Variants in GXYLT1 observed in about 807,000 individuals in gnomAD.
GXYLT1 encodes the protein glucoside xylosyltransferase 1, also known as glycosyltransferase 8 domain containing 3.
Under a neutral mutation model 54.0 loss-of-function variants are expected in GXYLT1, and 29 were observed. The observed-to-expected ratio is 0.54, with a 90% CI of 0.40 to 0.73. GXYLT1 has a LOEUF of 0.73. Ranked by LOEUF, GXYLT1 falls within the 30% of genes least tolerant of loss-of-function variation. GXYLT1 has a pLI of 0.00. For missense variants in GXYLT1, 490 were observed against 553.4 expected, an observed-to-expected ratio of 0.89 and a Z score of 1.15; for synonymous variants, 176 against 204.1, an observed-to-expected ratio of 0.86 and a Z score of 1.17.
chr12:42,088,086 C>A, intron 7 of GXYLT1, 139 bp from the exon 8 acceptor site: 1 of 458,928 alleles, frequency 2.2e-6, no homozygotes. Flanking sequence ...AGATGTTTAA[C>A]AAATATTTTC....
At chr12:42,095,385 G>A (rs987272277) in intron 7 of GXYLT1, among the ~76,000 whole-genome samples, 4 of 151,664 alleles carry the variant, frequency 2.6e-5, no homozygotes, top group African/African-American at 9.7e-5. Context: ...TCCAAACATA[G>A]AGAATGGCTG....
intron 7 of GXYLT1, among the ~76,000 whole-genome samples, chr12:42,090,940 A>G (rs2065325571): frequency 6.6e-6 from 1 of 151,948 alleles, no homozygotes; most frequent in Non-Finnish European, 1.5e-5. Flanking sequence ...TATTTAACAA[A>G]TATGCATGGA....
At chr12:42,109,725 A>G in intron 3 of GXYLT1, 34 bp from the exon 4 acceptor site, 1 of 1,346,492 alleles carries the variant, frequency 7.4e-7, no homozygotes, top group South Asian at 1.4e-5. Context: ...GTTTAGTTTC[A>G]CTCTGAATTT....
chr12:42,134,028 C>T (rs538829726), intron 1 of GXYLT1, among the ~76,000 whole-genome samples: 3 of 152,046 alleles, frequency 2.0e-5, no homozygotes, highest in Admixed American at 2.0e-4. Flanking sequence ...AAAACCCCAT[C>T]TCTACAAAGA....
intron 2 of GXYLT1, among the ~76,000 whole-genome samples, chr12:42,126,514 A>C (rs993562057): frequency 2.0e-5 from 3 of 152,210 alleles, no homozygotes; most frequent in African/African-American, 7.2e-5. Context: ...CAGCACTTTG[A>C]GAGGCAATGG....
In GXYLT1 at chr12:42,085,609, G is replaced by C. The variant is rs939465169; in HGVS notation, c.*2177C>G. The C allele has an allele frequency of 1.6e-4, 24 of 152,108 alleles. No individual in the cohort carries two copies. The highest frequency in any genetic ancestry group is 5.8e-4 in the African/African-American group (24 of 41,388). 9.4% of individuals were successfully genotyped at this position (152,108 alleles called of 1,614,324 possible). ...ATAATTTCCAGTGGTTCTCAAAGTA[G>C]CTAACATCAAAGTCATCTGAGGTGA... On this transcript the variant is annotated 3_prime_UTR_variant, in exon 8 of 8. Coordinates refer to ENST00000398675, the MANE Select transcript of GXYLT1 (RefSeq NM_173601.2).
intron 6 of GXYLT1, 49 bp downstream of exon 6, chr12:42,097,861 T>A (rs2065365327): frequency 1.4e-6 from 2 of 1,380,464 alleles, no homozygotes; most frequent in Non-Finnish European, 2.0e-6. Context: ...TTTCACTAAG[T>A]ATTATCTGTG....
intron 7 of GXYLT1, among the ~76,000 whole-genome samples, chr12:42,090,066 G>A (rs1351574526): frequency 6.6e-6 from 1 of 151,780 alleles, no homozygotes; most frequent in Admixed American, 6.6e-5. Context: ...GTTTTCATGT[G>A]ATTCAAATCC....
intron 1 of GXYLT1, among the ~76,000 whole-genome samples, chr12:42,135,434 T>A (rs35986152): frequency 0.14 from 21,723 of 152,222 alleles, 1,684 homozygotes; most frequent in Non-Finnish European, 0.18. Context: ...TTCAGAGTTG[T>A]GCAACCATGA....
rs1661347449 is a variant in GXYLT1, at chr12:42,084,781, A to G, written c.*3005T>C. The stretch of plus-strand genomic sequence containing the variant: ...CCTTATATATTATGAACTACTCTTC[A>G]TTAGAAAAAAGTATGCATTTTCTTA... On this transcript the variant is annotated 3_prime_UTR_variant, in exon 8 of 8. Transcript: ENST00000398675. The G allele has an allele frequency of 6.6e-6, 1 of 152,290 alleles. No homozygotes were observed. Among genetic ancestry groups the G allele is most frequent in the South Asian group, 2.1e-4 (1 of 4,838 alleles). The allele number at this position is 152,290 out of a possible 1,614,324, so 9.4% of individuals were successfully genotyped here.
chr12:42,126,152 C>T (rs1267475484), intron 2 of GXYLT1, among the ~76,000 whole-genome samples: 3 of 150,454 alleles, frequency 2.0e-5, no homozygotes, highest in Admixed American at 6.6e-5. Context: ...TGGTTCACTG[C>T]AACCTCTCCC....
chr12:42,133,281 AAACC>A (rs569197407), intron 1 of GXYLT1, among the ~76,000 whole-genome samples: 9 of 152,096 alleles, frequency 5.9e-5, no homozygotes, highest in African/African-American at 9.7e-5. Context: ...CTGTCTCAAA[AAACC>A]AACCAACCAA....
chr12:42,144,256 G>A (rs559990899), intron 1 of GXYLT1, among the ~76,000 whole-genome samples, 170 bp downstream of exon 1: 4 of 152,286 alleles, frequency 2.6e-5, no homozygotes, highest in African/African-American at 9.6e-5. Flanking sequence ...GGCGGGAGCA[G>A]CGCAGGTTTA....
intron 2 of GXYLT1, among the ~76,000 whole-genome samples, chr12:42,126,890 A>C (rs2065565768): frequency 6.6e-6 from 1 of 152,084 alleles, no homozygotes; most frequent in Non-Finnish European, 1.5e-5. Context: ...GAAAAAAAAA[A>C]AAAAAAAAAT....
intron 4 of GXYLT1, 37 bp downstream of exon 4, chr12:42,109,523 TAAAAAA>T (rs201861073): frequency 1.5e-5 from 17 of 1,131,642 alleles, no homozygotes; most frequent in South Asian, 9.3e-5. Context: ...GGTTCAAATT[TAAAAAA>T]AAAAAAAAAA....
Position 42,087,955 on chromosome 12 carries a change from A to C in GXYLT1, c.1162-8T>G. 1 of 1,453,694 alleles carries C rather than the reference A, an allele frequency of 6.9e-7. No individual in the cohort carries two copies. Among genetic ancestry groups the C allele is most frequent in the Non-Finnish European group, 9.3e-7 (1 of 1,079,308 alleles). 90.0% of individuals were successfully genotyped at this position (1,453,694 alleles called of 1,614,324 possible). A position where few individuals can be genotyped will look rare whatever the true frequency, so the allele number is the denominator to read the frequency against. ...GTCATCTTCAAAAGAACACTAGAGA[A>C]AGAAAATTTTAAAAAATAAAAAATT... On this transcript the variant is annotated splice_polypyrimidine_tract_variant and splice_region_variant and intron_variant, in intron 7 of 7. Transcript: ENST00000398675.
Position 42,109,554 on chromosome 12 carries a change from G to GA in GXYLT1, c.612+11dup, listed in dbSNP as rs779590302. On this transcript the variant is annotated intron_variant, in intron 4 of 7. Coordinates refer to ENST00000398675, the MANE Select transcript of GXYLT1 (RefSeq NM_173601.2). ...AAAAAAAAAAAAAAAGACACTAGGG[G>GA]AAAAAACTTACCGGCAAGAACAATC... The GA allele has an allele frequency of 4.1e-6, 6 of 1,453,524 alleles. 1 individual carries two copies. In the South Asian group the frequency reaches 6.0e-5, roughly 15 times the overall value. The allele number at this position is 1,453,524 out of a possible 1,614,324, so 90.0% of individuals were successfully genotyped here.
At chr12:42,128,956 G>A (rs890339013) in intron 2 of GXYLT1, among the ~76,000 whole-genome samples, 7 of 152,092 alleles carry the variant, frequency 4.6e-5, no homozygotes, top group South Asian at 2.1e-4. Context: ...GATTACAGGC[G>A]TGAGCCACCA....
At chr12:42,097,420 A>G (rs1049224865) in intron 7 of GXYLT1, 22 bp downstream of exon 7, 1 of 1,529,826 alleles carries the variant, frequency 6.5e-7, no homozygotes, top group Non-Finnish European at 8.7e-7. Context: ...AAAAGTTAAA[A>G]AAAAGGAAAG....
Sources: allele counts gnomAD v4.1 joint callset (sites outside exome capture counted in the v4.1 genomes callset), GRCh38; gene constraint gnomAD v4.1.1; transcripts MANE v1.5; gene names NCBI Gene and HGNC (gene_info 2026-07-23, HGNC 2026-07-21).